The following CLASP1 variants were observed in gnomAD, a reference collection of about 807,000 sequenced individuals.
The protein encoded by CLASP1 is CLIP-associating protein 1.
In CLASP1, 38 loss-of-function variants were observed where a neutral mutation model predicts 192.3. That is an observed-to-expected ratio of 0.20 (90% confidence interval 0.15 to 0.26). CLASP1 has a LOEUF of 0.26. CLASP1 is among the 10% of genes least tolerant of loss of function. The pLI is 1.00. For missense variants in CLASP1, 1,433 were observed against 1,932.5 expected (o/e 0.74, Z 4.85); for synonymous variants, 691 against 712.8 (o/e 0.97, Z 0.49).
At chr2:121,612,920 C>T (rs2065851383) in intron 1 of CLASP1, among the ~76,000 whole-genome samples, 1 of 152,120 alleles carries the variant, frequency 6.6e-6, no homozygotes, top group Non-Finnish European at 1.5e-5. Context: ...GCAGTGTTGA[C>T]ATCAAAGATT....
intron 39 of CLASP1, among the ~76,000 whole-genome samples, chr2:121,345,679 A>G (rs187508591): frequency 6.6e-6 from 1 of 152,270 alleles, no homozygotes; most frequent in Admixed American, 6.5e-5. Context: ...GGAGAACAGA[A>G]TAAGGTCACC....
chr2:121,367,093 G>T (rs543515872), intron 35 of CLASP1, among the ~76,000 whole-genome samples: 1 of 152,348 alleles, frequency 6.6e-6, no homozygotes, highest in Admixed American at 6.5e-5. Flanking sequence ...GGTCAACACA[G>T]CTCCAGGGAG....
intron 35 of CLASP1, among the ~76,000 whole-genome samples, chr2:121,366,409 T>A (rs1183072286): frequency 6.6e-6 from 1 of 152,234 alleles, no homozygotes; most frequent in Non-Finnish European, 1.5e-5. Flanking sequence ...TTTTAATCCC[T>A]ACAGCCATTT....
At chr2:121,384,060 GTATA>G in intron 32 of CLASP1, among the ~76,000 whole-genome samples, 1 of 99,702 alleles carries the variant, frequency 1.0e-5, no homozygotes. Flanking sequence ...ACACATATAT[GTATA>G]TATACACACA....
chr2:121,558,114 G>A (rs1452882550), intron 2 of CLASP1, among the ~76,000 whole-genome samples: 3 of 151,696 alleles, frequency 2.0e-5, no homozygotes, highest in Admixed American at 6.6e-5. Flanking sequence ...CACCTATTAT[G>A]TGTATTTACT....
At chr2:121,417,290 C>T (rs565299779) in intron 23 of CLASP1, among the ~76,000 whole-genome samples, 20 of 152,214 alleles carry the variant, frequency 1.3e-4, no homozygotes, top group Non-Finnish European at 2.6e-4. Context: ...TCAAAAATAA[C>T]AGTACATATT....
chr2:121,459,901 C>T, intron 12 of CLASP1, 79 bp downstream of exon 12: 1 of 1,363,860 alleles, frequency 7.3e-7, no homozygotes, highest in East Asian at 2.4e-5. Flanking sequence ...AGACCCAGCT[C>T]ACATGTTCAA....
rs555722192 is a variant in CLASP1 at position 121,596,578 on chromosome 2, G to A, written c.195+9123C>T. Among the ~76,000 whole-genome samples, 7 of 152,258 alleles carry A rather than the reference G, an allele frequency of 4.6e-5. No individual in the cohort carries two copies. In the East Asian group the frequency reaches 5.8e-4, roughly 13 times the overall value. ...TGCCCATAAACACACTTGATCTAGC[G>A]GTAACATGTGCTCTGTAAAGCAGCT... is the stretch of plus-strand genomic sequence containing the variant. On this transcript the variant is annotated intron_variant, in intron 2 of 39. Coordinates refer to ENST00000263710, the Ensembl canonical transcript of CLASP1.
intron 6 of CLASP1, among the ~76,000 whole-genome samples, chr2:121,519,690 A>G (rs2094412418): frequency 1.3e-5 from 2 of 152,210 alleles, no homozygotes; most frequent in Admixed American, 1.3e-4. Context: ...TATCTTTTAA[A>G]CCAACATCTT....
intron 37 of CLASP1, among the ~76,000 whole-genome samples, chr2:121,358,618 T>A (rs986147041): frequency 6.6e-6 from 1 of 152,224 alleles, no homozygotes; most frequent in Non-Finnish European, 1.5e-5. Flanking sequence ...GCTGGGCGAA[T>A]CAGAAACCAG....
intron 7 of CLASP1, among the ~76,000 whole-genome samples, chr2:121,511,548 A>G (rs895593733): frequency 1.3e-5 from 2 of 151,566 alleles, no homozygotes; most frequent in African/African-American, 2.4e-5. Flanking sequence ...AGATCACACC[A>G]CTGCACTCCA....
At chr2:121,549,304 G>C (rs986487732) in intron 2 of CLASP1, among the ~76,000 whole-genome samples, 1 of 152,058 alleles carries the variant, frequency 6.6e-6, no homozygotes, top group African/African-American at 2.4e-5. Context: ...TTCAGACAAA[G>C]AGACTTTAAA....
chr2:121,484,901 C>G (rs549701529), intron 8 of CLASP1, among the ~76,000 whole-genome samples: 2 of 152,316 alleles, frequency 1.3e-5, no homozygotes, highest in East Asian at 3.9e-4. Flanking sequence ...AGGCACTTTA[C>G]TAGTTCCTGG....
chr2:121,548,272 A>T (rs1250461011), intron 2 of CLASP1, among the ~76,000 whole-genome samples: 1 of 152,250 alleles, frequency 6.6e-6, no homozygotes, highest in Admixed American at 6.5e-5. Context: ...TCACAATGCA[A>T]TGACAAGTAT....
At chr2:121,639,920 C>A (rs530899157) in intron 1 of CLASP1, among the ~76,000 whole-genome samples, 2 of 150,514 alleles carry the variant, frequency 1.3e-5, no homozygotes, top group African/African-American at 4.9e-5. Context: ...CACATGCACA[C>A]GTATGTTTAC....
intron 2 of CLASP1, among the ~76,000 whole-genome samples, chr2:121,581,282 T>TTTTTTTTA: frequency 7.1e-6 from 1 of 140,188 alleles, no homozygotes; most frequent in Non-Finnish European, 1.5e-5. Context: ...TTTTTTTTTT[T>TTTTTTTTA]TTTGAGATGG....
At chr2:121,580,331 T>C (rs1213971091) in intron 2 of CLASP1, among the ~76,000 whole-genome samples, 1 of 152,222 alleles carries the variant, frequency 6.6e-6, no homozygotes, top group Non-Finnish European at 1.5e-5. Context: ...TCCTGACAAA[T>C]ACCTTCTCAA....
chr2:121,498,824 A>G (rs540350247), intron 8 of CLASP1, among the ~76,000 whole-genome samples: 14 of 152,354 alleles, frequency 9.2e-5, no homozygotes, highest in Non-Finnish European at 2.1e-4. Flanking sequence ...AAGATGTTCA[A>G]TACCATTACT....
intron 14 of CLASP1, among the ~76,000 whole-genome samples, chr2:121,452,897 G>A (rs1055005590): frequency 3.3e-5 from 5 of 152,142 alleles, no homozygotes; most frequent in African/African-American, 1.2e-4. Context: ...ATTCAAGAAC[G>A]CACAAATCAG....
Sources: allele counts gnomAD v4.1 joint callset (sites outside exome capture counted in the v4.1 genomes callset), GRCh38; gene constraint gnomAD v4.1.1; transcripts MANE v1.5; gene names NCBI Gene and HGNC (gene_info 2026-07-23, HGNC 2026-07-21).